Variants in STOX2 observed in about 807,000 individuals in gnomAD.
STOX2 encodes the protein storkhead-box protein 2.
Under a neutral mutation model 60.9 loss-of-function variants are expected in STOX2, and 28 were observed. The ratio of observed to expected loss-of-function variants is 0.46; its 90% CI spans 0.34 to 0.63. The LOEUF is 0.63. Among genes scored for constraint, STOX2 ranks in the 30% least tolerant of loss-of-function variants. STOX2 has a pLI of 0.01. For synonymous variants in STOX2, 472 were observed against 463.9 expected (o/e 1.02, Z -0.22); for missense variants, 1,024 against 1,187.7 (o/e 0.86, Z 2.03).
intron 1 of STOX2, among the ~76,000 whole-genome samples, chr4:183,812,231 C>T (rs181013232): frequency 3.4e-4 from 52 of 152,260 alleles, no homozygotes; most frequent in Middle Eastern, 6.8e-3. Context: ...CATGCCCAGC[C>T]GTCTGTGATT....
intron 1 of STOX2, among the ~76,000 whole-genome samples, chr4:183,840,197 T>C (rs1739821986): frequency 6.6e-6 from 1 of 152,356 alleles, no homozygotes; most frequent in East Asian, 1.9e-4. Flanking sequence ...GTATTTAGAT[T>C]GGAACGTTCT....
At chr4:184,000,107 AC>A (rs930419473) in intron 1 of STOX2, among the ~76,000 whole-genome samples, 10 of 151,708 alleles carry the variant, frequency 6.6e-5, no homozygotes, top group African/African-American at 1.9e-4. Context: ...ACCTTGGAGA[AC>A]CCCAGGTATA....
chr4:183,961,629 G>A (rs9999145), intron 1 of STOX2, among the ~76,000 whole-genome samples: 57,477 of 152,012 alleles, frequency 0.38, 11,318 homozygotes, highest in African/African-American at 0.45. Flanking sequence ...TGTTACATGC[G>A]TATCTTCCAC....
intron 1 of STOX2, among the ~76,000 whole-genome samples, chr4:183,918,273 A>C (rs1212849768): frequency 6.6e-6 from 1 of 152,248 alleles, no homozygotes. Context: ...TCATTTATCC[A>C]AGTGGGCTCA....
chr4:183,888,639 TC>T (rs1472591240), intron 1 of STOX2, among the ~76,000 whole-genome samples: 1 of 152,208 alleles, frequency 6.6e-6, no homozygotes, highest in Non-Finnish European at 1.5e-5. Flanking sequence ...TCCTTGCCAA[TC>T]CCGTGGTTAC....
chr4:183,920,731 G>A (rs1742077047), intron 1 of STOX2, among the ~76,000 whole-genome samples: 1 of 152,068 alleles, frequency 6.6e-6, no homozygotes, highest in Non-Finnish European at 1.5e-5. Flanking sequence ...CCTCTTTTTA[G>A]CACCTTAGAG....
chr4:183,984,662 G>A (rs969684422), intron 1 of STOX2, among the ~76,000 whole-genome samples: 1 of 152,198 alleles, frequency 6.6e-6, no homozygotes, highest in Non-Finnish European at 1.5e-5. Context: ...GCCATCAAGC[G>A]TTTATTAAGA....
At chr4:183,986,238 C>T (rs1732839028) in intron 1 of STOX2, among the ~76,000 whole-genome samples, 1 of 152,120 alleles carries the variant, frequency 6.6e-6, no homozygotes, top group East Asian at 1.9e-4. Context: ...TGTATATGGC[C>T]TATTAGGTCC....
chr4:183,956,056 G>A (rs1743239007), intron 1 of STOX2, among the ~76,000 whole-genome samples: 1 of 152,118 alleles, frequency 6.6e-6, no homozygotes, highest in African/African-American at 2.4e-5. Context: ...ACAACCTGTG[G>A]GTTAACCTCT....
At chr4:183,889,368 C>T (rs1741155805) in intron 1 of STOX2, among the ~76,000 whole-genome samples, 1 of 152,088 alleles carries the variant, frequency 6.6e-6, no homozygotes, top group African/African-American at 2.4e-5. Context: ...CAGAGGTCAC[C>T]AGCGTGCCCC....
chr4:183,995,260 C>A (rs1247039531), intron 1 of STOX2, among the ~76,000 whole-genome samples: 1 of 143,884 alleles, frequency 7.0e-6, no homozygotes, highest in Non-Finnish European at 1.5e-5. Flanking sequence ...AGTGAAAATG[C>A]CACTTATAAA....
chr4:183,824,916 G>A lies in STOX2; in HGVS notation c.364+26861G>A, dbSNP rs182296375. The stretch of plus-strand genomic sequence containing the variant: ...TGTGAGCTCGTGAAGAGAGGGGACC[G>A]ATAGAGTTCAATTGTGACCCTTGCC... On this transcript the variant is annotated intron_variant, in intron 1 of 2. Coordinates refer to the STOX2 transcript ENST00000513034. Among the ~76,000 whole-genome samples the A allele has an allele frequency of 6.6e-5, 10 of 152,294 alleles. No individual in the cohort carries two copies. In the South Asian group the frequency reaches 8.3e-4, roughly 13 times the overall value.
intron 1 of STOX2, among the ~76,000 whole-genome samples, chr4:183,957,183 TAAA>T (rs907240524): frequency 1.4e-5 from 2 of 141,138 alleles, no homozygotes; most frequent in African/African-American, 5.1e-5. Flanking sequence ...ATAATAATAA[TAAA>T]AGAAAAAACA....
intron 1 of STOX2, among the ~76,000 whole-genome samples, chr4:183,926,678 T>C (rs968196502): frequency 2.6e-5 from 4 of 151,952 alleles, no homozygotes; most frequent in Middle Eastern, 3.2e-3. Flanking sequence ...GGCTGGAGTG[T>C]AGTGGCACAA....
At chr4:183,925,753 A>C (rs1322223640) in intron 1 of STOX2, among the ~76,000 whole-genome samples, 1 of 152,254 alleles carries the variant, frequency 6.6e-6, no homozygotes, top group Non-Finnish European at 1.5e-5. Context: ...TAAATTTTAT[A>C]GAATGTTTAA....
chr4:183,922,203 G>A (rs1742120682), intron 1 of STOX2, among the ~76,000 whole-genome samples: 1 of 151,990 alleles, frequency 6.6e-6, no homozygotes, highest in Admixed American at 6.5e-5. Context: ...GCTGTTCCCT[G>A]GTGCTTTGAG....
intron 1 of STOX2, among the ~76,000 whole-genome samples, chr4:183,992,508 A>C (rs1184759657): frequency 6.6e-6 from 1 of 152,236 alleles, no homozygotes; most frequent in African/African-American, 2.4e-5. Flanking sequence ...ATGAAGGAGA[A>C]GTACAGGGTG....
In STOX2 at chr4:183,852,829, A is replaced by G. The variant is rs1027284680; in HGVS notation, c.364+54774A>G. Among the ~76,000 whole-genome samples the G allele has an allele frequency of 2.0e-5, 3 of 152,222 alleles. No homozygotes were observed. The South Asian group carries it at 6.2e-4, about 32-fold the overall frequency. On this transcript the variant is annotated intron_variant, in intron 1 of 2. Coordinates refer to the STOX2 transcript ENST00000513034. ...AAGTAGTAGAGAGTAGAAATCTATAAGTTCCTGATGGTCAAAATGGTCAAG... is the reference window on the plus strand; with the variant it reads ...AAGTAGTAGAGAGTAGAAATCTATAGGTTCCTGATGGTCAAAATGGTCAAG...
intron 1 of STOX2, among the ~76,000 whole-genome samples, chr4:183,822,542 C>T (rs1178453012): frequency 1.3e-5 from 2 of 152,228 alleles, no homozygotes; most frequent in African/African-American, 4.8e-5. Context: ...ATTAGATTCT[C>T]ATAAGGAGCA....
Sources: allele counts gnomAD v4.1 joint callset (sites outside exome capture counted in the v4.1 genomes callset), GRCh38; gene constraint gnomAD v4.1.1; transcripts MANE v1.5; gene names NCBI Gene and HGNC (gene_info 2026-07-23, HGNC 2026-07-21).